Variants in CD46 observed in about 807,000 individuals in gnomAD.
CD46 encodes the protein CD46 molecule, also known as membrane cofactor protein.
Under a neutral mutation model 53.3 loss-of-function variants are expected in CD46, and 30 were observed. That is an observed-to-expected ratio of 0.56 (90% CI 0.42 to 0.76). CD46 has a LOEUF of 0.76. Among genes scored for constraint, CD46 ranks in the 30% least tolerant of loss-of-function variants. The probability of loss-of-function intolerance (pLI) is 0.00; values close to 1 mark genes in which losing one functional copy is unlikely to be tolerated. For missense variants in CD46, 409 were observed against 463.0 expected, an observed-to-expected ratio of 0.88 and a Z score of 1.07; for synonymous variants, 142 against 152.0, an observed-to-expected ratio of 0.93 and a Z score of 0.48.
At chr1:207,775,091 T>C (rs934012510) in intron 8 of CD46, among the ~76,000 whole-genome samples, 1 of 152,208 alleles carries the variant, frequency 6.6e-6, no homozygotes, top group Non-Finnish European at 1.5e-5. Flanking sequence ...TTCTTTTCAC[T>C]TTTTTCTCTA....
At chr1:207,774,080 A>G (rs905784749) in intron 8 of CD46, among the ~76,000 whole-genome samples, 2 of 152,172 alleles carry the variant, frequency 1.3e-5, no homozygotes, top group African/African-American at 4.8e-5. Flanking sequence ...TATTGGGTGC[A>G]TATATATTTA....
In CD46 at chr1:207,787,216, G is replaced by A. The variant is rs368115782; in HGVS notation, c.1082+1534G>A. Among the ~76,000 whole-genome samples, 63 of 152,094 alleles carry A rather than the reference G, an allele frequency of 4.1e-4. 2 individuals carry two copies. The South Asian group carries it at 0.011, about 26-fold the overall frequency. On this transcript the variant is annotated intron_variant, in intron 11 of 12. Transcript: ENST00000367042. The stretch of plus-strand genomic sequence containing the variant: ...CTCACGAGTAGCTGGGATTACAGTC[G>A]TGCACCACCACCACCGGCTAATTTG...
Position 207,766,588 on chromosome 1 carries a change from A to AT in CD46, c.674-423dup, listed in dbSNP as rs564492007. Among the ~76,000 whole-genome samples, 41 of 152,236 alleles carry AT rather than the reference A, an allele frequency of 2.7e-4. 1 individual carries two copies. In the East Asian group the frequency reaches 7.1e-3, roughly 27 times the overall value. On this transcript the variant is annotated intron_variant, in intron 5 of 12. Coordinates refer to ENST00000367042, the MANE Select transcript of CD46 (RefSeq NM_172351.3). ...TCCAAAACAACCTCAGATCCAGGAG[A>AT]TTCAGTGAACCTTCAGCAGGATGAA... is the stretch of plus-strand genomic sequence containing the variant.
intron 5 of CD46, among the ~76,000 whole-genome samples, chr1:207,765,648 A>AAC (rs1202119749): frequency 6.6e-6 from 1 of 152,174 alleles, no homozygotes; most frequent in Non-Finnish European, 1.5e-5. Context: ...CCGAAATGTA[A>AAC]ACACACACAC....
intron 9 of CD46, among the ~76,000 whole-genome samples, chr1:207,784,070 C>T (rs1419557070): frequency 6.6e-6 from 1 of 152,128 alleles, no homozygotes; most frequent in Non-Finnish European, 1.5e-5. Flanking sequence ...TCAAATTTCT[C>T]TGTATATTTT....
At chr1:207,782,279 T>A (rs772286522) in intron 8 of CD46, among the ~76,000 whole-genome samples, 12 of 152,222 alleles carry the variant, frequency 7.9e-5, no homozygotes, top group South Asian at 2.1e-4. Context: ...ACCTGCCACT[T>A]AACTGAATTC....
chr1:207,783,224 T>G, intron 8 of CD46, 68 bp from the exon 9 acceptor site: 5 of 882,782 alleles, frequency 5.7e-6, no homozygotes, highest in Non-Finnish European at 9.3e-6. Flanking sequence ...GTTTAAAGGA[T>G]TTTAAGCTTT....
rs1658202470 is a variant in CD46, at chr1:207,777,111, CTTTTG to C, written c.944-6174_944-6170del. ...TGAAGTGAACAGTTTTTTCCAGGTT[CTTTTG>C]TTTTGTCAGTTTTAAGCTTGTTATA... On this transcript the variant is annotated intron_variant, in intron 8 of 12. Transcript: ENST00000367042. 3.3e-5 allele frequency among the ~76,000 whole-genome samples: 5 copies of C among 151,998 alleles called. No individual in the cohort carries two copies. The South Asian group carries it at 8.3e-4, about 25-fold the overall frequency.
intron 1 of CD46, among the ~76,000 whole-genome samples, chr1:207,754,151 C>T (rs1230002653): frequency 1.3e-5 from 2 of 152,148 alleles, no homozygotes; most frequent in African/African-American, 4.8e-5. Flanking sequence ...AAGGGAAGTG[C>T]TCTGGAGGCA....
chr1:207,752,406 T>A lies in CD46; in HGVS notation c.97+97T>A. 8.6e-7 allele frequency: 1 copy of A among 1,166,856 alleles called. No individual in the cohort carries two copies. Among genetic ancestry groups the A allele is most frequent in the Non-Finnish European group, 1.3e-6 (1 of 779,732 alleles). The allele number at this position is 1,166,856 out of a possible 1,614,324, so 72.3% of individuals were successfully genotyped here. A position where few individuals can be genotyped will look rare whatever the true frequency, so the allele number is the denominator to read the frequency against. ...GGCGGGGCTCACAGCAGGCCGTGCC[T>A]GTTTGGGGACAGGGTTCTCTGAGGG... On this transcript the variant is annotated intron_variant, in intron 1 of 12. Transcript: ENST00000367042. The surrounding 1 kb of genome is among the most constrained non-coding windows in gnomAD (Gnocchi z 4.1).
At chr1:207,767,757 A>G in intron 6 of CD46, 22 bp from the exon 7 acceptor site, 5 of 1,609,960 alleles carry the variant, frequency 3.1e-6, no homozygotes, top group African/African-American at 1.3e-5. Context: ...GGTCCAATCT[A>G]CATTATTATT....
At chr1:207,755,908 G>T (rs1655483729) in intron 1 of CD46, among the ~76,000 whole-genome samples, 1 of 151,934 alleles carries the variant, frequency 6.6e-6, no homozygotes. Context: ...AATTTTTTTT[G>T]AATAGCTACT....
intron 8 of CD46, among the ~76,000 whole-genome samples, chr1:207,781,751 C>T (rs1658757746): frequency 6.6e-6 from 1 of 152,168 alleles, no homozygotes. Context: ...GGGTTTATTT[C>T]CGAGGTCTCT....
chr1:207,766,147 G>T (rs1656819116), intron 5 of CD46, among the ~76,000 whole-genome samples: 1 of 152,168 alleles, frequency 6.6e-6, no homozygotes, highest in African/African-American at 2.4e-5. Flanking sequence ...GGGATGAGGG[G>T]GAAGAGGGGT....
chr1:207,790,763 C>T (rs1303972779), intron 12 of CD46, among the ~76,000 whole-genome samples: 8 of 152,192 alleles, frequency 5.3e-5, no homozygotes, highest in Admixed American at 2.0e-4. Flanking sequence ...TCAATTCCAA[C>T]GTATAAATAA....
chr1:207,763,909 C>G (rs943485254), intron 5 of CD46, among the ~76,000 whole-genome samples: 12 of 143,602 alleles, frequency 8.4e-5, no homozygotes, highest in Admixed American at 5.6e-4. Context: ...CCCTGTGTTA[C>G]AGTGAGAGCT....
Position 207,761,283 on chromosome 1 carries a change from T to C in CD46, c.510T>C (p.Asn170=). The change falls in exon 5 of 13, where the codon AAT becomes AAC. Residue 170 remains asparagine, a synonymous_variant. Transcript: ENST00000367042. Reference sequence around the variant, plus strand: ...GTACACCACCTCCAAAAATAAAAAATGGAAAACACACCTTTAGTGAAGTAG... The same window carrying C: ...GTACACCACCTCCAAAAATAAAAAACGGAAAACACACCTTTAGTGAAGTAG... ...VLCTPPPKIK[N]GKHTFSEVEV... 4 of 1,612,906 alleles carry C rather than the reference T, an allele frequency of 2.5e-6. No homozygotes were observed. Among genetic ancestry groups the C allele is most frequent in the Non-Finnish European group, 3.4e-6 (4 of 1,178,980 alleles).
At chr1:207,754,677 G>C (rs1001228854) in intron 1 of CD46, among the ~76,000 whole-genome samples, 1 of 151,976 alleles carries the variant, frequency 6.6e-6, no homozygotes, top group Non-Finnish European at 1.5e-5. Context: ...GTCTTTCTGC[G>C]GTACCTAAAA....
rs1447946880 is a variant in CD46, at chr1:207,752,508, T to C, written c.97+199T>C. 2.0e-5 allele frequency among the ~76,000 whole-genome samples: 3 copies of C among 152,096 alleles called. No homozygotes were observed. The highest frequency in any genetic ancestry group is 7.2e-5 in the African/African-American group (3 of 41,420). On this transcript the variant is annotated intron_variant, in intron 1 of 12. Transcript: ENST00000367042. The surrounding 1 kb of genome is among the most constrained non-coding windows in gnomAD (Gnocchi z 4.1). Reference sequence around the variant, plus strand: ...AGAGCCCGAGGTGAAGCTTGTTTGGTGGCGTCGTGTGCGCGGCCAGCATTT... The same window carrying C: ...AGAGCCCGAGGTGAAGCTTGTTTGGCGGCGTCGTGTGCGCGGCCAGCATTT...
Sources: allele counts gnomAD v4.1 joint callset (sites outside exome capture counted in the v4.1 genomes callset), GRCh38; gene constraint gnomAD v4.1.1; non-coding constraint Gnocchi (gnomAD v3.1); transcripts MANE v1.5; gene names NCBI Gene and HGNC (gene_info 2026-07-23, HGNC 2026-07-21).